ATAD5: variants seen among roughly 807,000 people sequenced by gnomAD.
ATAD5 encodes the protein ATPase family AAA domain containing 5.
A neutral mutation model predicts 176.9 loss-of-function variants in ATAD5; 58 were observed. The ratio of observed to expected loss-of-function variants is 0.33; its 90% CI spans 0.27 to 0.41. The LOEUF (loss-of-function observed/expected upper bound fraction) is 0.41, where lower values mean the gene tolerates loss of function less well. ATAD5 is among the 10% of genes least tolerant of loss of function. The probability of loss-of-function intolerance (pLI) is 1.00; values close to 1 mark genes in which losing one functional copy is unlikely to be tolerated. For synonymous variants in ATAD5, 640 were observed against 712.6 expected, an observed-to-expected ratio of 0.90 and a Z score of 1.62; for missense variants, 1,789 against 2,094.1, an observed-to-expected ratio of 0.85 and a Z score of 2.84.
chr17:30,893,838 T>C lies in ATAD5; in HGVS notation c.4985T>C (p.Leu1662Pro). The C allele has an allele frequency of 1.9e-6, 3 of 1,614,034 alleles. No individual in the cohort carries two copies. Among genetic ancestry groups the C allele is most frequent in the Non-Finnish European group, 2.5e-6 (3 of 1,179,912 alleles). ...GATAACATGTCCTTCTTAGATGCAC[T>C]TTTAACTGATGTAAGGGAACAAAAC... is the stretch of plus-strand genomic sequence containing the variant. Reference protein sequence around the residue: ...FMDNMSFLDALLTDVREQNKY... With the variant: ...FMDNMSFLDAPLTDVREQNKY... Residue 1662 changes from leucine (L) to proline (P), a missense_variant, in exon 21 of 23, where the codon CTT becomes CCT. Leu to Pro is a moderately conservative substitution (Grantham distance 98). Around this residue, in one of 6 missense-constraint regions of ATAD5, gnomAD observed 403 missense variants for 495.1 expected, o/e 0.81. Transcript: ENST00000321990.
chr17:30,879,348 G>A (rs1366839303), intron 17 of ATAD5, 75 bp from the exon 18 acceptor site: 2 of 1,515,496 alleles, frequency 1.3e-6, no homozygotes, highest in Non-Finnish European at 1.8e-6. Context: ...TCATAGAAAA[G>A]TATAACTTGA....
At chr17:30,834,121 G>A in intron 1 of ATAD5, 27 bp from the exon 2 acceptor site, 1 of 1,473,714 alleles carries the variant, frequency 6.8e-7, no homozygotes, top group South Asian at 1.4e-5. Context: ...CTTGAAATAA[G>A]TGCCTTTTTC....
intron 6 of ATAD5, among the ~76,000 whole-genome samples, chr17:30,848,027 T>C (rs1236183758): frequency 6.6e-6 from 1 of 152,198 alleles, no homozygotes. Flanking sequence ...GCCTGACTGC[T>C]ATGAACATTC....
chr17:30,878,730 T>G (rs1049948357), intron 17 of ATAD5, among the ~76,000 whole-genome samples: 2 of 95,192 alleles, frequency 2.1e-5, no homozygotes, highest in African/African-American at 8.3e-5. Flanking sequence ...TTTTTTTTTT[T>G]TTTTTTTTTT....
chr17:30,856,091 C>G (rs1384226540), intron 7 of ATAD5, among the ~76,000 whole-genome samples: 1 of 152,128 alleles, frequency 6.6e-6, no homozygotes, highest in Non-Finnish European at 1.5e-5. Context: ...TTGATAAACT[C>G]ATTTTCACAG....
At chr17:30,859,970 C>T (rs1253906669) in intron 9 of ATAD5, among the ~76,000 whole-genome samples, 2 of 147,434 alleles carry the variant, frequency 1.4e-5, no homozygotes, top group African/African-American at 2.5e-5. Flanking sequence ...GTGATCCACC[C>T]ACCTTGGCCT....
chr17:30,865,816 A>G lies in ATAD5; in HGVS notation c.3233+16A>G. The G allele has an allele frequency of 6.9e-7, 1 of 1,452,188 alleles. No individual in the cohort carries two copies. The highest frequency in any genetic ancestry group is 9.4e-7 in the Non-Finnish European group (1 of 1,066,788). The allele number at this position is 1,452,188 out of a possible 1,614,324, so 90.0% of individuals were successfully genotyped here. On this transcript the variant is annotated intron_variant, in intron 11 of 22. Transcript: ENST00000321990. ...AGTTACATAGGTTGGTAAAATGTGT[A>G]AGGAATTGAGAAATAGTTTACAAAC...
In ATAD5 at chr17:30,843,783, A is replaced by T. The variant is rs1597956842; in HGVS notation, c.2242-130A>T. On this transcript the variant is annotated intron_variant, in intron 4 of 22. Transcript: ENST00000321990. ...TGTGTGTTTTCTGTTTCAATGAGATAATATCTGATGGGAGGTGTATGGAGC... is the reference window on the plus strand; with the variant it reads ...TGTGTGTTTTCTGTTTCAATGAGATTATATCTGATGGGAGGTGTATGGAGC... The T allele has an allele frequency of 1.5e-5, 7 of 465,008 alleles. No homozygotes were observed. The East Asian group carries it at 2.6e-4, about 17-fold the overall frequency. The allele number at this position is 465,008 out of a possible 1,614,324, so 28.8% of individuals were successfully genotyped here.
rs1567696539 is a variant in ATAD5 at position 30,878,730 on chromosome 17, T to TTGTTTTTTG, written c.4012+635_4012+636insGTTTTTTGT. ...GAAGTTAGGTGGTGTTTTTTTTTTT[T>TTGTTTTTTG]TTTTTTTTTTTTTTTTTTGGAGACA... On this transcript the variant is annotated intron_variant, in intron 17 of 22. Transcript: ENST00000321990. 7.7e-4 allele frequency among the ~76,000 whole-genome samples: 73 copies of TTGTTTTTTG among 95,192 alleles called. 2 individuals carry two copies. The highest frequency in any genetic ancestry group is 3.0e-3 in the African/African-American group (72 of 23,962). The allele number at this position is 95,192 out of a possible 152,430, so 62.4% of individuals were successfully genotyped here.
At chr17:30,852,105 C>A (rs1410579846) in intron 6 of ATAD5, among the ~76,000 whole-genome samples, 1 of 152,170 alleles carries the variant, frequency 6.6e-6, no homozygotes, top group Non-Finnish European at 1.5e-5. Flanking sequence ...GTCATTCTTT[C>A]TTTGTTAGTT....
intron 18 of ATAD5, among the ~76,000 whole-genome samples, chr17:30,881,550 A>C (rs1279622790): frequency 1.3e-5 from 2 of 151,974 alleles, no homozygotes; most frequent in African/African-American, 4.8e-5. Context: ...TAATCCACCC[A>C]CCTTGGCCTC....
At chr17:30,863,501 G>A (rs1907774521) in intron 10 of ATAD5, among the ~76,000 whole-genome samples, 1 of 151,796 alleles carries the variant, frequency 6.6e-6, no homozygotes, top group Non-Finnish European at 1.5e-5. Flanking sequence ...TGAGTAGCTG[G>A]GACTACAGGT....
intron 5 of ATAD5, among the ~76,000 whole-genome samples, chr17:30,844,597 A>C (rs932202361): frequency 3.3e-5 from 5 of 150,558 alleles, no homozygotes; most frequent in African/African-American, 9.8e-5. Flanking sequence ...AAATACAAAA[A>C]ATTAGCTGGG....
In ATAD5 at chr17:30,892,586, A is replaced by C. The variant is rs1909697158; in HGVS notation, c.4259-21A>C. On this transcript the variant is annotated intron_variant, in intron 19 of 22. Coordinates refer to ENST00000321990, the MANE Select transcript of ATAD5 (RefSeq NM_024857.5). ...TTTGTTTAATACATATATAGAGCTA[A>C]GATTTTCTTTTATTTTGTAGGTGGA... is the stretch of plus-strand genomic sequence containing the variant. 5.3e-6 allele frequency: 8 copies of C among 1,521,276 alleles called. No homozygotes were observed. The East Asian group carries it at 1.8e-4, about 35-fold the overall frequency. The allele number at this position is 1,521,276 out of a possible 1,614,324, so 94.2% of individuals were successfully genotyped here. A position where few individuals can be genotyped will look rare whatever the true frequency, so the allele number is the denominator to read the frequency against.
Position 30,878,009 on chromosome 17 carries a change from G to T in ATAD5, c.3925G>T (p.Val1309Leu). ...ATATTCTAATAAACTGTAGGTTGAT[G>T]TAATTTTTGATGAAGATGCTGGGTT... is the stretch of plus-strand genomic sequence containing the variant. The part of the protein sequence containing the change: ...TSLILFEEVD[V>L]IFDEDAGFLN... The change falls in exon 17 of 23, where the codon GTA becomes TTA. Residue 1309 changes from valine to leucine, a missense_variant. Transcript: ENST00000321990. The T allele has an allele frequency of 6.2e-7, 1 of 1,606,222 alleles. No homozygotes were observed. The highest frequency in any genetic ancestry group is 8.5e-7 in the Non-Finnish European group (1 of 1,174,228).
rs776934020 is a variant in ATAD5, at chr17:30,892,771, T to G, written c.4423T>G (p.Leu1475Val). The change falls in exon 20 of 23, where the codon TTA (leucine) becomes GTA (valine). Residue 1475 changes from leucine (L) to valine (V), a missense_variant. This residue lies in a region of ATAD5 where 403 missense variants were observed against 495.1 expected (regional missense o/e 0.81). Transcript: ENST00000321990. ...GAACATTTTTTCCCCATCTGAAGACTTATTTTCATTTTTAAAGGTATTTTC... is the reference window on the plus strand; with the variant it reads ...GAACATTTTTTCCCCATCTGAAGACGTATTTTCATTTTTAAAGGTATTTTC... ...LKNIFSPSED[L>V]FSFLKHKITM... 16 of 1,562,868 alleles carry G rather than the reference T, an allele frequency of 1.0e-5. No homozygotes were observed. The highest frequency in any genetic ancestry group is 1.3e-5 in the Non-Finnish European group (15 of 1,160,632).
At chr17:30,850,869 A>ATATAT (rs1555554637) in intron 6 of ATAD5, among the ~76,000 whole-genome samples, 1 of 14,784 alleles carries the variant, frequency 6.8e-5, no homozygotes, top group Admixed American at 1.4e-3. Flanking sequence ...ATATATATAT[A>ATATAT]TTTTTTTTTT....
Position 30,877,491 on chromosome 17 carries a change from A to G in ATAD5, c.3860A>G (p.Asp1287Gly). 2.5e-6 allele frequency: 4 copies of G among 1,610,014 alleles called. No homozygotes were observed. Among genetic ancestry groups the G allele is most frequent in the Non-Finnish European group, 3.4e-6 (4 of 1,177,544 alleles). The change falls in exon 16 of 23, where the codon GAC becomes GGC. Residue 1287 changes from aspartate (D) to glycine (G), a missense_variant. By Grantham distance (94) the Asp-to-Gly change is moderately conservative. Coordinates refer to ENST00000321990, the MANE Select transcript of ATAD5 (RefSeq NM_024857.5). ...STNATNSNVK[D>G]VGAEEPSRKN... ...AATGCAACTAATTCAAATGTCAAAG[A>G]CGTTGGAGCTGAAGAACCCAGCAGA...
chr17:30,867,693 C>A (rs1908081672), intron 11 of ATAD5, among the ~76,000 whole-genome samples: 3 of 152,038 alleles, frequency 2.0e-5, no homozygotes, highest in African/African-American at 7.2e-5. Flanking sequence ...CTCACTGCAA[C>A]CTTCGCCTCT....
Sources: allele counts gnomAD v4.1 joint callset (sites outside exome capture counted in the v4.1 genomes callset), GRCh38; gene constraint gnomAD v4.1.1; regional missense constraint gnomAD v4.1.1; transcripts MANE v1.5; gene names NCBI Gene and HGNC (gene_info 2026-07-23, HGNC 2026-07-21).